The following TSHZ1 variants were observed in gnomAD, a reference collection of about 807,000 sequenced individuals.
The protein encoded by TSHZ1 is teashirt zinc finger homeobox 1.
Under a neutral mutation model 67.1 loss-of-function variants are expected in TSHZ1, and 12 were observed. The observed-to-expected ratio is 0.18, with a 90% CI of 0.11 to 0.29. The LOEUF (loss-of-function observed/expected upper bound fraction) is 0.29, where lower values mean the gene tolerates loss of function less well. Ranked by LOEUF, TSHZ1 falls within the 10% of genes least tolerant of loss-of-function variation. TSHZ1 has a pLI of 1.00. For synonymous variants in TSHZ1, 632 were observed against 622.4 expected, an observed-to-expected ratio of 1.02 and a Z score of -0.23; for missense variants, 1,305 against 1,413.9, an observed-to-expected ratio of 0.92 and a Z score of 1.23.
chr18:75,242,898 A>T (rs1332386140), intron 1 of TSHZ1, among the ~76,000 whole-genome samples: 1 of 152,178 alleles, frequency 6.6e-6, no homozygotes, highest in Non-Finnish European at 1.5e-5. Context: ...TTGCTTTCCA[A>T]TTCTGTCTTC....
Position 75,211,932 on chromosome 18 carries a change from C to T in TSHZ1, c.40+16C>T, listed in dbSNP as rs1414804763. 2 of 1,202,052 alleles carry T rather than the reference C, an allele frequency of 1.7e-6. No homozygotes were observed. The highest frequency in any genetic ancestry group is 2.1e-6 in the Non-Finnish European group (2 of 969,038). The allele number at this position is 1,202,052 out of a possible 1,614,324, so 74.5% of individuals were successfully genotyped here. Reference sequence around the variant, plus strand: ...CGCTCGGCAGGTAACGGGCGCGCGGCCCGCGCCGCGGGGAGTGGGCGCCGG... The same window carrying T: ...CGCTCGGCAGGTAACGGGCGCGCGGTCCGCGCCGCGGGGAGTGGGCGCCGG... On this transcript the variant is annotated intron_variant, in intron 1 of 1. Transcript: ENST00000580243.
intron 1 of TSHZ1, among the ~76,000 whole-genome samples, chr18:75,233,401 A>T (rs997725473): frequency 1.3e-5 from 2 of 152,200 alleles, no homozygotes; most frequent in African/African-American, 4.8e-5. Flanking sequence ...GCTGATTTTC[A>T]TGGTGAATGT....
At chr18:75,232,012 G>T (rs1423151853) in intron 1 of TSHZ1, among the ~76,000 whole-genome samples, 1 of 152,088 alleles carries the variant, frequency 6.6e-6, no homozygotes, top group Non-Finnish European at 1.5e-5. Context: ...GGGTAGCTAG[G>T]ATTACAAGCG....
chr18:75,222,293 T>C (rs1367524507), intron 1 of TSHZ1, among the ~76,000 whole-genome samples: 2 of 152,068 alleles, frequency 1.3e-5, no homozygotes, highest in African/African-American at 4.8e-5. Flanking sequence ...AATGAGAATT[T>C]ATTTTAGAAA....
At chr18:75,252,216 T>C (rs2023313371) in intron 1 of TSHZ1, among the ~76,000 whole-genome samples, 1 of 152,250 alleles carries the variant, frequency 6.6e-6, no homozygotes, top group South Asian at 2.1e-4. Context: ...TCTCCCACTT[T>C]CATATTATAA....
At position 75,286,887 on chromosome 18, in the gene TSHZ1, A is replaced by C; in HGVS notation, c.1480A>C (p.Thr494Pro). ...KKQPDSPAGS[T>P]TSEEKKEPEK... ...GCAGCCCGACTCTCCCGCGGGGTCCACGACTTCTGAAGAAAAGAAAGAGCC... is the reference window on the plus strand; with the variant it reads ...GCAGCCCGACTCTCCCGCGGGGTCCCCGACTTCTGAAGAAAAGAAAGAGCC... The change falls in exon 2 of 2, where the codon ACG becomes CCG. Residue 494 changes from threonine to proline, a missense_variant. Physicochemically the swap from Thr to Pro is conservative, Grantham distance 38. Around this residue, in one of 3 missense-constraint regions of TSHZ1, gnomAD observed 909 missense variants for 961.8 expected, o/e 0.95. Coordinates refer to ENST00000580243, the MANE Select transcript of TSHZ1 (RefSeq NM_001308210.2). The surrounding 1 kb of genome is among the most constrained non-coding windows in gnomAD (Gnocchi z 5.1). 6.2e-7 allele frequency: 1 copy of C among 1,614,204 alleles called. No individual in the cohort carries two copies. Among genetic ancestry groups the C allele is most frequent in the Non-Finnish European group, 8.5e-7 (1 of 1,180,042 alleles).
At chr18:75,280,631 T>TTGAC in intron 1 of TSHZ1, 5 of 497,062 alleles carry the variant, frequency 1.0e-5, no homozygotes, top group Non-Finnish European at 1.3e-5. Context: ...TTTGGGGAAG[T>TTGAC]CGGTCAACTT....
intron 1 of TSHZ1, among the ~76,000 whole-genome samples, chr18:75,213,158 A>G (rs1056713126): frequency 6.6e-6 from 1 of 152,204 alleles, no homozygotes; most frequent in Admixed American, 6.5e-5. Flanking sequence ...TACTGCTACT[A>G]AAAAAATTTG....
At chr18:75,247,326 CA>C (rs1164978964) in intron 1 of TSHZ1, among the ~76,000 whole-genome samples, 1 of 152,178 alleles carries the variant, frequency 6.6e-6, no homozygotes, top group Non-Finnish European at 1.5e-5. Context: ...CTGCTCCTGC[CA>C]GGGGGGGCTG....
chr18:75,275,106 T>C (rs1022479758), intron 1 of TSHZ1, among the ~76,000 whole-genome samples: 1 of 152,258 alleles, frequency 6.6e-6, no homozygotes, highest in Non-Finnish European at 1.5e-5. Context: ...TCCTTGCCAC[T>C]TGCCTACATC....
At chr18:75,257,225 G>A (rs925248233) in intron 1 of TSHZ1, among the ~76,000 whole-genome samples, 2 of 152,168 alleles carry the variant, frequency 1.3e-5, no homozygotes, top group Non-Finnish European at 2.9e-5. Context: ...GCCCCGAGTA[G>A]CATGTGATTT....
At chr18:75,254,470 G>A (rs781180392) in intron 1 of TSHZ1, among the ~76,000 whole-genome samples, 5 of 152,150 alleles carry the variant, frequency 3.3e-5, no homozygotes, top group African/African-American at 4.8e-5. Flanking sequence ...TCCATGTACT[G>A]AATTCATTAT....
Position 75,288,771 on chromosome 18 carries a change from C to A in TSHZ1, c.*130C>A. ...GCCTCTCTGGACCTTGGTTTTCTTACACATATTTTGTATATTTATATGCTC... is the reference window on the plus strand; with the variant it reads ...GCCTCTCTGGACCTTGGTTTTCTTAAACATATTTTGTATATTTATATGCTC... On this transcript the variant is annotated 3_prime_UTR_variant, in exon 2 of 2. Coordinates refer to ENST00000580243, the MANE Select transcript of TSHZ1 (RefSeq NM_001308210.2). The surrounding 1 kb of genome is among the most constrained non-coding windows in gnomAD (Gnocchi z 4.9). The A allele has an allele frequency of 7.0e-7, 1 of 1,427,606 alleles. No individual in the cohort carries two copies. The highest frequency in any genetic ancestry group is 9.3e-7 in the Non-Finnish European group (1 of 1,078,854). 88.4% of individuals were successfully genotyped at this position (1,427,606 alleles called of 1,614,324 possible).
Position 75,286,927 on chromosome 18 carries a change from C to T in TSHZ1, c.1520C>T (p.Pro507Leu), listed in dbSNP as rs774741979. The T allele has an allele frequency of 1.4e-5, 22 of 1,614,018 alleles. No individual in the cohort carries two copies. The highest frequency in any genetic ancestry group is 2.7e-5 in the African/African-American group (2 of 74,932). ...AAGAAAGAGCCAGAGAAGGAGAAGC[C>T]GCCTGTGGCTGGCGACGCGGAGAAG... Reference protein sequence around the residue: ...EEKKEPEKEKPPVAGDAEKIK... With the variant: ...EEKKEPEKEKLPVAGDAEKIK... The change falls in exon 2 of 2, where the codon CCG becomes CTG. Residue 507 changes from proline (P) to leucine (L), a missense_variant. Coordinates refer to ENST00000580243, the MANE Select transcript of TSHZ1 (RefSeq NM_001308210.2). This position sits in a 1 kb window ranked among gnomAD's most constrained non-coding sequence, Gnocchi z 5.1.
chr18:75,213,746 T>A (rs996801214), intron 1 of TSHZ1, among the ~76,000 whole-genome samples: 1 of 152,232 alleles, frequency 6.6e-6, no homozygotes, highest in Non-Finnish European at 1.5e-5. Flanking sequence ...AATATTGATT[T>A]AATTGTCTGT....
chr18:75,262,827 C>G (rs2023447137), intron 1 of TSHZ1, among the ~76,000 whole-genome samples: 1 of 152,168 alleles, frequency 6.6e-6, no homozygotes, highest in African/African-American at 2.4e-5. Flanking sequence ...CATTACCACC[C>G]TCTCTTCCAT....
chr18:75,234,338 C>T (rs1173431902), intron 1 of TSHZ1, among the ~76,000 whole-genome samples: 1 of 152,170 alleles, frequency 6.6e-6, no homozygotes, highest in Non-Finnish European at 1.5e-5. Flanking sequence ...TCTTTCCATC[C>T]ACTTCCTTAT....
chr18:75,212,582 G>C (rs1255261512), intron 1 of TSHZ1, among the ~76,000 whole-genome samples: 1 of 152,178 alleles, frequency 6.6e-6, no homozygotes, highest in East Asian at 1.9e-4. Flanking sequence ...TTTGATGTGT[G>C]ATTGATCGCC....
intron 1 of TSHZ1, among the ~76,000 whole-genome samples, chr18:75,223,257 A>G (rs2022872896): frequency 6.6e-6 from 1 of 152,234 alleles, no homozygotes; most frequent in African/African-American, 2.4e-5. Context: ...GCTTCTTAAA[A>G]ATAATTTAGT....
Sources: allele counts gnomAD v4.1 joint callset (sites outside exome capture counted in the v4.1 genomes callset), GRCh38; gene constraint gnomAD v4.1.1; regional missense constraint gnomAD v4.1.1; non-coding constraint Gnocchi (gnomAD v3.1); transcripts MANE v1.5; gene names NCBI Gene and HGNC (gene_info 2026-07-23, HGNC 2026-07-21).